The following TANC2 variants were observed in gnomAD, a reference collection of about 807,000 sequenced individuals.
The protein encoded by TANC2 is protein TANC2.
TANC2 carries 26 observed loss-of-function variants against 210.5 expected under a neutral mutation model. The ratio of observed to expected loss-of-function variants is 0.12; its 90% CI spans 0.09 to 0.17. The LOEUF is 0.17. Ranked by LOEUF, TANC2 falls within the 10% of genes least tolerant of loss-of-function variation. TANC2 has a pLI of 1.00. For missense variants in TANC2, 2,129 were observed against 2,608.9 expected, an observed-to-expected ratio of 0.82 and a Z score of 4.01; for synonymous variants, 931 against 967.1, an observed-to-expected ratio of 0.96 and a Z score of 0.69.
intron 4 of TANC2, among the ~76,000 whole-genome samples, chr17:63,136,781 TG>T (rs2039104962): frequency 6.6e-6 from 1 of 151,920 alleles, no homozygotes; most frequent in South Asian, 2.1e-4. Context: ...AGAAAGGGCG[TG>T]GGTTGAGGGT....
chr17:63,251,428 G>A (rs2043050666), intron 8 of TANC2, among the ~76,000 whole-genome samples: 1 of 152,078 alleles, frequency 6.6e-6, no homozygotes, highest in Admixed American at 6.5e-5. Flanking sequence ...GAAGAACAAA[G>A]GGAAACACCT....
intron 2 of TANC2, among the ~76,000 whole-genome samples, chr17:63,009,893 A>G (rs9907678): frequency 0.013 from 1,906 of 152,320 alleles, 42 homozygotes; most frequent in African/African-American, 0.044. Flanking sequence ...TTTGCTTATT[A>G]AAAACCTTCT....
At chr17:63,015,016 TTTA>T (rs2034039982) in intron 2 of TANC2, among the ~76,000 whole-genome samples, 1 of 152,104 alleles carries the variant, frequency 6.6e-6, no homozygotes, top group African/African-American at 2.4e-5. Flanking sequence ...CATTAGTGTT[TTTA>T]TTATTACAGT....
intron 1 of TANC2, among the ~76,000 whole-genome samples, chr17:63,002,418 T>G (rs1252378064): frequency 6.6e-6 from 1 of 152,240 alleles, no homozygotes; most frequent in Non-Finnish European, 1.5e-5. Flanking sequence ...TTATAATTCA[T>G]CACATATCTG....
At chr17:63,031,276 T>C (rs1045955755) in intron 2 of TANC2, among the ~76,000 whole-genome samples, 29 of 152,288 alleles carry the variant, frequency 1.9e-4, no homozygotes, top group African/African-American at 7.0e-4. Flanking sequence ...AGGTCAGGTT[T>C]TTCCAAACTC....
At chr17:63,137,228 A>G (rs1226254054) in intron 4 of TANC2, among the ~76,000 whole-genome samples, 2 of 152,200 alleles carry the variant, frequency 1.3e-5, no homozygotes, top group Non-Finnish European at 2.9e-5. Context: ...CTGCCTAAAT[A>G]GAGCTTAAAA....
At chr17:63,216,249 A>T (rs935763498) in intron 7 of TANC2, among the ~76,000 whole-genome samples, 1 of 151,250 alleles carries the variant, frequency 6.6e-6, no homozygotes, top group Non-Finnish European at 1.5e-5. Context: ...GGGTTTCACC[A>T]TGTTGGCCAG....
intron 15 of TANC2, among the ~76,000 whole-genome samples, chr17:63,385,964 G>A (rs573930077): frequency 6.6e-6 from 1 of 152,258 alleles, no homozygotes; most frequent in Admixed American, 6.5e-5. Context: ...AGAATGGAAC[G>A]AGAGGATACG....
chr17:63,196,086 A>G (rs1261098557), intron 6 of TANC2, among the ~76,000 whole-genome samples: 3 of 152,118 alleles, frequency 2.0e-5, no homozygotes, highest in Non-Finnish European at 4.4e-5. Flanking sequence ...CTGCCCATCC[A>G]TATACCCCTA....
chr17:63,332,390 A>G, intron 11 of TANC2: 1 of 309,430 alleles, frequency 3.2e-6, no homozygotes, highest in Non-Finnish European at 6.3e-6. Context: ...TTCATTTAGC[A>G]ACAACAGGCA....
At chr17:63,203,700 A>G (rs2041607814) in intron 7 of TANC2, among the ~76,000 whole-genome samples, 1 of 152,310 alleles carries the variant, frequency 6.6e-6, no homozygotes, top group African/African-American at 2.4e-5. Flanking sequence ...GGCAAATCCA[A>G]AGAGAAGAAA....
intron 14 of TANC2, among the ~76,000 whole-genome samples, chr17:63,362,844 G>A (rs1279882148): frequency 2.0e-5 from 3 of 152,198 alleles, no homozygotes; most frequent in Admixed American, 1.3e-4. Context: ...TGCAGCCATG[G>A]CTGGGCAGGG....
At position 63,099,390 on chromosome 17, in the gene TANC2, C is replaced by CACCAA. The variant is rs1487513433; in HGVS notation, c.322+34_322+35insCCAAA. On this transcript the variant is annotated intron_variant, in intron 4 of 27. Transcript: ENST00000689528. Reference sequence around the variant, plus strand: ...CTTTACCTAAATTTAGTATGTTTAACAGGAAACCTAACGATATGACACTTT... The same window carrying CACCAA: ...CTTTACCTAAATTTAGTATGTTTAACACCAAAGGAAACCTAACGATATGACACTTT... 2.1e-6 allele frequency: 3 copies of CACCAA among 1,433,448 alleles called. No homozygotes were observed. The African/African-American group carries it at 4.3e-5, about 20-fold the overall frequency. The allele number at this position is 1,433,448 out of a possible 1,614,324, so 88.8% of individuals were successfully genotyped here.
At chr17:63,334,603 T>A (rs1280170521) in intron 11 of TANC2, among the ~76,000 whole-genome samples, 1 of 152,186 alleles carries the variant, frequency 6.6e-6, no homozygotes, top group African/African-American at 2.4e-5. Context: ...GATCCACTGA[T>A]AGATACTAAA....
chr17:63,002,755 G>C (rs1353995859), intron 1 of TANC2, among the ~76,000 whole-genome samples: 1 of 152,108 alleles, frequency 6.6e-6, no homozygotes, highest in Non-Finnish European at 1.5e-5. Flanking sequence ...ATGCTTCTAT[G>C]TAAAGGTTCT....
intron 8 of TANC2, among the ~76,000 whole-genome samples, chr17:63,261,400 T>G (rs1460856014): frequency 6.6e-6 from 1 of 152,062 alleles, no homozygotes; most frequent in Non-Finnish European, 1.5e-5. Flanking sequence ...TATACAAGAT[T>G]GGAAGAAAGG....
intron 14 of TANC2, among the ~76,000 whole-genome samples, chr17:63,370,703 A>T (rs935390967): frequency 1.1e-4 from 17 of 152,306 alleles, no homozygotes; most frequent in Admixed American, 9.1e-4. Flanking sequence ...TTTTTCAGAG[A>T]CGCAGGCCAA....
At chr17:63,178,678 G>A (rs1219115020) in intron 5 of TANC2, among the ~76,000 whole-genome samples, 13 of 152,174 alleles carry the variant, frequency 8.5e-5, no homozygotes, top group Admixed American at 8.5e-4. Context: ...ATTAAATATG[G>A]CACAGATTTC....
intron 9 of TANC2, among the ~76,000 whole-genome samples, chr17:63,297,508 G>A (rs1243580740): frequency 6.6e-6 from 1 of 152,096 alleles, no homozygotes; most frequent in Non-Finnish European, 1.5e-5. Flanking sequence ...ATATCTACCT[G>A]CAAAAGAATG....
Sources: allele counts gnomAD v4.1 joint callset (sites outside exome capture counted in the v4.1 genomes callset), GRCh38; gene constraint gnomAD v4.1.1; transcripts MANE v1.5; gene names NCBI Gene and HGNC (gene_info 2026-07-23, HGNC 2026-07-21).